PTPRM: variants seen among roughly 807,000 people sequenced by gnomAD.
The protein encoded by PTPRM is receptor-type tyrosine-protein phosphatase mu.
Under a neutral mutation model 186.7 loss-of-function variants are expected in PTPRM, and 47 were observed. The ratio of observed to expected loss-of-function variants is 0.25; its 90% CI spans 0.20 to 0.32. The LOEUF (loss-of-function observed/expected upper bound fraction) is 0.32. Among genes scored for constraint, PTPRM ranks in the 10% least tolerant of loss-of-function variants. The pLI, the probability that PTPRM is intolerant of heterozygous loss-of-function variation, is 1.00. For missense variants in PTPRM, 1,494 were observed against 1,865.0 expected (o/e 0.80, Z 3.66); for synonymous variants, 668 against 674.9 (o/e 0.99, Z 0.16).
chr18:7,578,571 G>C (rs1487652562), intron 1 of PTPRM, among the ~76,000 whole-genome samples: 3 of 151,812 alleles, frequency 2.0e-5, no homozygotes, highest in Non-Finnish European at 4.4e-5. Context: ...TCCTGACCTC[G>C]TGATCCGCCC....
chr18:7,718,243 G>T (rs1281813469), intron 1 of PTPRM, among the ~76,000 whole-genome samples: 1 of 152,034 alleles, frequency 6.6e-6, no homozygotes, highest in East Asian at 1.9e-4. Context: ...ACATAATAGA[G>T]AACTCAGAAA....
chr18:8,223,383 G>T (rs1437507963), intron 14 of PTPRM, among the ~76,000 whole-genome samples: 1 of 152,150 alleles, frequency 6.6e-6, no homozygotes, highest in Non-Finnish European at 1.5e-5. Flanking sequence ...CCTAAAGTTG[G>T]ATAGATTAAC....
chr18:8,166,415 A>T (rs1315675944), intron 14 of PTPRM, among the ~76,000 whole-genome samples: 1 of 152,148 alleles, frequency 6.6e-6, no homozygotes, highest in Non-Finnish European at 1.5e-5. Context: ...ATATGTTTAT[A>T]TTTATTATGT....
intron 1 of PTPRM, among the ~76,000 whole-genome samples, chr18:7,656,465 G>A (rs1264618007): frequency 6.6e-6 from 1 of 152,114 alleles, no homozygotes; most frequent in African/African-American, 2.4e-5. Context: ...TAATGGGGAT[G>A]GTGTTTCTGT....
chr18:8,146,102 C>G (rs1026307893), intron 14 of PTPRM, among the ~76,000 whole-genome samples: 1 of 149,420 alleles, frequency 6.7e-6, no homozygotes, highest in Non-Finnish European at 1.5e-5. Context: ...GATCCCAGCT[C>G]GCTGCAACCT....
At chr18:7,863,883 G>T (rs2146088172) in intron 2 of PTPRM, among the ~76,000 whole-genome samples, 1 of 151,990 alleles carries the variant, frequency 6.6e-6, no homozygotes, top group East Asian at 1.9e-4. Flanking sequence ...GTTTTTAATG[G>T]TCACCATTGT....
chr18:8,394,445 G>A lies in PTPRM; in HGVS notation c.4209-31G>A, dbSNP rs775302821. 27 of 1,592,508 alleles carry A rather than the reference G, an allele frequency of 1.7e-5. No homozygotes were observed. In the South Asian group the frequency reaches 1.7e-4, roughly 10 times the overall value. ...GCAAGATGCAGTGTAAAGACAGACCGAGTGCAGTCATCTGATCTTTTTCAC... is the reference window on the plus strand; with the variant it reads ...GCAAGATGCAGTGTAAAGACAGACCAAGTGCAGTCATCTGATCTTTTTCAC... On this transcript the variant is annotated intron_variant, in intron 31 of 32. Transcript: ENST00000580170.
At chr18:8,116,131 G>A (rs1023740282) in intron 13 of PTPRM, among the ~76,000 whole-genome samples, 5 of 152,154 alleles carry the variant, frequency 3.3e-5, no homozygotes, top group Admixed American at 1.3e-4. Context: ...ATTACAGGAC[G>A]ATGAAGCCCT....
rs186553106 is a variant in PTPRM, at chr18:7,954,644, A to G, written c.839-477A>G. On this transcript the variant is annotated intron_variant, in intron 6 of 32. Coordinates refer to ENST00000580170, the MANE Select transcript of PTPRM (RefSeq NM_001105244.2). ...TGCTTCCTAGAGCTTAAATACTACT[A>G]CTTGAGAGAACTTTTACCAGTTAAC... Among the ~76,000 whole-genome samples the G allele has an allele frequency of 3.5e-4, 54 of 152,268 alleles. No individual in the cohort carries two copies. In the East Asian group the frequency reaches 0.01, roughly 29 times the overall value.
chr18:8,309,075 C>T (rs1456221799), intron 20 of PTPRM, among the ~76,000 whole-genome samples: 1 of 152,170 alleles, frequency 6.6e-6, no homozygotes, highest in Non-Finnish European at 1.5e-5. Context: ...TAATATAGTA[C>T]AATTTATGTC....
intron 1 of PTPRM, among the ~76,000 whole-genome samples, chr18:7,693,426 C>T (rs1000647727): frequency 2.0e-5 from 3 of 152,140 alleles, no homozygotes; most frequent in African/African-American, 7.2e-5. Flanking sequence ...ACCTTCCTAC[C>T]GTTTAATAAT....
chr18:8,202,841 G>A (rs112939014), intron 14 of PTPRM, among the ~76,000 whole-genome samples: 4,360 of 152,084 alleles, frequency 0.029, 77 homozygotes, highest in Non-Finnish European at 0.043. Context: ...GCCGGTAGAC[G>A]TTTCTTTCTA....
chr18:8,129,233 A>G (rs970772415), intron 13 of PTPRM, among the ~76,000 whole-genome samples: 7 of 79,644 alleles, frequency 8.8e-5, no homozygotes, highest in Non-Finnish European at 2.3e-4. Context: ...TATTATTTCA[A>G]TTTTTAAGTA....
intron 23 of PTPRM, among the ~76,000 whole-genome samples, chr18:8,363,642 C>T (rs187782671): frequency 2.5e-4 from 38 of 152,308 alleles, no homozygotes; most frequent in Non-Finnish European, 5.1e-4. Flanking sequence ...GGAGGACTTA[C>T]ATTTGGGGAA....
intron 23 of PTPRM, among the ~76,000 whole-genome samples, chr18:8,359,099 A>G (rs2148377168): frequency 7.3e-6 from 1 of 137,674 alleles, no homozygotes; most frequent in African/African-American, 2.9e-5. Context: ...TCCCTTTAAA[A>G]AGACAAAAAA....
intron 26 of PTPRM, 100 bp from the exon 27 acceptor site, chr18:8,378,165 C>A: frequency 8.1e-7 from 1 of 1,238,846 alleles, no homozygotes; most frequent in Non-Finnish European, 1.1e-6. Flanking sequence ...TCTGGAGGAA[C>A]TGTCTCCACT....
chr18:8,039,359 G>T (rs1291837022), intron 7 of PTPRM, among the ~76,000 whole-genome samples: 1 of 151,900 alleles, frequency 6.6e-6, no homozygotes, highest in Non-Finnish European at 1.5e-5. Context: ...TTTCCACAAA[G>T]TTTAAATGTT....
rs531714121 is a variant in PTPRM, at chr18:7,966,855, G to A, written c.1132+11441G>A. 2.2e-3 allele frequency among the ~76,000 whole-genome samples: 280 copies of A among 128,136 alleles called. 10 individuals are homozygous for A. Among genetic ancestry groups the A allele is most frequent in the African/African-American group, 6.4e-3 (253 of 39,568 alleles). The allele number at this position is 128,136 out of a possible 152,430, so 84.1% of individuals were successfully genotyped here. A position where few individuals can be genotyped will look rare whatever the true frequency, so the allele number is the denominator to read the frequency against. On this transcript the variant is annotated intron_variant, in intron 7 of 32. Coordinates refer to ENST00000580170, the MANE Select transcript of PTPRM (RefSeq NM_001105244.2). ...CAGCACAGCAGTCTGAGATCAAACC[G>A]CAAGGCGGCAGCGAGGCTGGGGGAG... is the stretch of plus-strand genomic sequence containing the variant.
intron 7 of PTPRM, among the ~76,000 whole-genome samples, chr18:8,057,186 G>T (rs1352194564): frequency 1.3e-5 from 2 of 151,102 alleles, no homozygotes; most frequent in Non-Finnish European, 2.9e-5. Flanking sequence ...GAAGTAGGAA[G>T]GTGGCAAAAT....
Sources: gnomAD v4.1 joint callset for allele counts (sites outside exome capture counted in the v4.1 genomes callset) on GRCh38, gnomAD v4.1.1 for gene constraint, MANE v1.5 for transcripts, NCBI Gene and HGNC (gene_info 2026-07-23, HGNC 2026-07-21) for gene names.